The following ARHGAP42 variants were observed in gnomAD, a reference collection of about 807,000 sequenced individuals.
ARHGAP42 encodes Rho GTPase activating protein 42.
Under a neutral mutation model 125.0 loss-of-function variants are expected in ARHGAP42, and 63 were observed. That is an observed-to-expected ratio of 0.50 (90% CI 0.41 to 0.62). The LOEUF (loss-of-function observed/expected upper bound fraction) is 0.62. Ranked by LOEUF, ARHGAP42 falls within the 20% of genes least tolerant of loss-of-function variation. The pLI is 0.00. For synonymous variants in ARHGAP42, 339 were observed against 351.0 expected, an observed-to-expected ratio of 0.97 and a Z score of 0.38; for missense variants, 766 against 1,024.2, an observed-to-expected ratio of 0.75 and a Z score of 3.44.
intron 3 of ARHGAP42, among the ~76,000 whole-genome samples, chr11:100,832,405 C>A (rs1176419126): frequency 6.6e-6 from 1 of 152,148 alleles, no homozygotes; most frequent in Non-Finnish European, 1.5e-5. Flanking sequence ...GCTTCTCTTA[C>A]CCTTGTTTCT....
intron 2 of ARHGAP42, among the ~76,000 whole-genome samples, chr11:100,779,919 G>A (rs935376631): frequency 1.3e-5 from 2 of 151,644 alleles, no homozygotes; most frequent in Admixed American, 1.3e-4. Flanking sequence ...TCAGCTACTC[G>A]GGAGGCTGAG....
intron 1 of ARHGAP42, among the ~76,000 whole-genome samples, chr11:100,701,160 T>C (rs1003153731): frequency 3.1e-4 from 47 of 151,478 alleles, no homozygotes; most frequent in African/African-American, 1.1e-3. Context: ...TTTTTTTTTT[T>C]CTGAGCAATA....
intron 3 of ARHGAP42, among the ~76,000 whole-genome samples, chr11:100,849,220 TATCACTC>T (rs141467520): frequency 0.098 from 14,954 of 152,174 alleles, 1,060 homozygotes; most frequent in African/African-American, 0.21. Flanking sequence ...AGTATTGACA[TATCACTC>T]ATTCTTCACA....
intron 12 of ARHGAP42, among the ~76,000 whole-genome samples, chr11:100,956,761 A>C (rs1035302838): frequency 1.3e-5 from 2 of 152,102 alleles, no homozygotes; most frequent in Non-Finnish European, 2.9e-5. Flanking sequence ...CTATTTTTTC[A>C]GTGACTAGGT....
rs955199430 is a variant in ARHGAP42, at chr11:100,731,166, C to CT, written c.155-39166dup. On this transcript the variant is annotated intron_variant, in intron 1 of 23. Coordinates refer to ENST00000298815, the MANE Select transcript of ARHGAP42 (RefSeq NM_152432.4). ...CTTAGATTTATATCATTATATTCTT[C>CT]TTTTTTTTTTTGAGATGCAGTCTTG... is the stretch of plus-strand genomic sequence containing the variant. Among the ~76,000 whole-genome samples, 1,053 of 146,210 alleles carry CT rather than the reference C, an allele frequency of 7.2e-3. 9 individuals are homozygous for CT. The highest frequency in any genetic ancestry group is 0.024 in the African/African-American group (954 of 40,128).
At chr11:100,725,751 C>T (rs1448332635) in intron 1 of ARHGAP42, among the ~76,000 whole-genome samples, 1 of 151,860 alleles carries the variant, frequency 6.6e-6, no homozygotes, top group Non-Finnish European at 1.5e-5. Context: ...TCCTGGCTAA[C>T]ACAGTGAAAC....
chr11:100,906,782 CTATT>C (rs1396549154), intron 4 of ARHGAP42, among the ~76,000 whole-genome samples: 2 of 152,020 alleles, frequency 1.3e-5, no homozygotes, highest in East Asian at 1.9e-4. Flanking sequence ...TTTTATGTAT[CTATT>C]TGTTTTAAAT....
intron 6 of ARHGAP42, 78 bp from the exon 7 acceptor site, chr11:100,933,078 A>C: frequency 1.0e-6 from 1 of 965,378 alleles, no homozygotes; most frequent in Admixed American, 2.9e-5. Context: ...AATGAAATAT[A>C]ATTTTCTCCC....
intron 17 of ARHGAP42, among the ~76,000 whole-genome samples, chr11:100,968,036 G>A (rs75973594): frequency 0.093 from 14,074 of 152,044 alleles, 939 homozygotes; most frequent in Non-Finnish European, 0.13. Flanking sequence ...TGATCCTTTT[G>A]TCATTATATT....
chr11:100,779,872 A>G (rs1411824464), intron 2 of ARHGAP42, among the ~76,000 whole-genome samples: 2 of 151,590 alleles, frequency 1.3e-5, no homozygotes, highest in East Asian at 3.9e-4. Flanking sequence ...CTAAAAATAG[A>G]AAATTTGGCC....
chr11:100,826,698 C>G (rs1253165298), intron 3 of ARHGAP42, among the ~76,000 whole-genome samples: 1 of 152,110 alleles, frequency 6.6e-6, no homozygotes, highest in Non-Finnish European at 1.5e-5. Flanking sequence ...CTGTTCCCAC[C>G]TTGTAAATTT....
intron 4 of ARHGAP42, among the ~76,000 whole-genome samples, chr11:100,887,970 G>A (rs1474547267): frequency 6.6e-6 from 1 of 152,170 alleles, no homozygotes; most frequent in Non-Finnish European, 1.5e-5. Context: ...ATCCAATCCC[G>A]CTTCTGGAGA....
chr11:100,941,999 A>T lies in ARHGAP42; in HGVS notation c.933+115A>T, dbSNP rs1436026505. ...GTTAACATGTACACATTTACAAAAA[A>T]ATAGAAGGTCAAAGGTTTTCTCTCA... is the stretch of plus-strand genomic sequence containing the variant. On this transcript the variant is annotated intron_variant, in intron 9 of 23. Transcript: ENST00000298815. The T allele has an allele frequency of 8.7e-6, 7 of 805,008 alleles. No individual in the cohort carries two copies. In the African/African-American group the frequency reaches 1.3e-4, roughly 15 times the overall value. 49.9% of individuals were successfully genotyped at this position (805,008 alleles called of 1,614,324 possible). A position where few individuals can be genotyped will look rare whatever the true frequency, so the allele number is the denominator to read the frequency against.
At chr11:100,928,196 A>C (rs1867480295) in intron 6 of ARHGAP42, among the ~76,000 whole-genome samples, 1 of 152,196 alleles carries the variant, frequency 6.6e-6, no homozygotes, top group South Asian at 2.1e-4. Flanking sequence ...TAATCTTCTT[A>C]GAAGTTTAGA....
chr11:100,812,827 G>A (rs577876876), intron 3 of ARHGAP42, among the ~76,000 whole-genome samples: 2 of 152,204 alleles, frequency 1.3e-5, no homozygotes, highest in African/African-American at 4.8e-5. Flanking sequence ...TGAAGAATAT[G>A]TAGGACTCTT....
At chr11:100,972,333 T>A (rs1452677801) in intron 17 of ARHGAP42, among the ~76,000 whole-genome samples, 1 of 152,198 alleles carries the variant, frequency 6.6e-6, no homozygotes, top group Non-Finnish European at 1.5e-5. Flanking sequence ...GTATCTAATT[T>A]CCAGAATAGA....
chr11:100,694,467 G>T (rs1023822805), intron 1 of ARHGAP42, among the ~76,000 whole-genome samples: 1 of 152,180 alleles, frequency 6.6e-6, no homozygotes, highest in South Asian at 2.1e-4. Context: ...TTTCTTGCGA[G>T]AGCTGTGATT....
intron 5 of ARHGAP42, among the ~76,000 whole-genome samples, chr11:100,917,954 T>G (rs572745594): frequency 6.6e-6 from 1 of 152,288 alleles, no homozygotes; most frequent in South Asian, 2.1e-4. Context: ...TCTTTCTTGC[T>G]GGGGTGCACC....
At chr11:100,927,396 T>C (rs1333505824) in intron 6 of ARHGAP42, among the ~76,000 whole-genome samples, 3 of 152,196 alleles carry the variant, frequency 2.0e-5, no homozygotes, top group Non-Finnish European at 4.4e-5. Context: ...TTCTATCCTG[T>C]TTAAAATCTA....
Sources: allele counts gnomAD v4.1 joint callset (sites outside exome capture counted in the v4.1 genomes callset), GRCh38; gene constraint gnomAD v4.1.1; transcripts MANE v1.5; gene names NCBI Gene and HGNC (gene_info 2026-07-23, HGNC 2026-07-21).